Variants in PPP6R1 observed in about 807,000 individuals in gnomAD.
The protein encoded by PPP6R1 is serine/threonine-protein phosphatase 6 regulatory subunit 1.
Under a neutral mutation model 104.6 loss-of-function variants are expected in PPP6R1, and 39 were observed. The observed-to-expected ratio is 0.37, with a 90% CI of 0.29 to 0.49. PPP6R1 has a LOEUF of 0.49. Among genes scored for constraint, PPP6R1 ranks in the 20% least tolerant of loss-of-function variants. PPP6R1 has a pLI of 0.98. For missense variants in PPP6R1, 1,181 were observed against 1,155.8 expected, an observed-to-expected ratio of 1.02 and a Z score of -0.32; for synonymous variants, 549 against 479.0, an observed-to-expected ratio of 1.15 and a Z score of -1.91.
At chr19:55,231,080 C>G in intron 21 of PPP6R1, 196 bp from the exon 22 acceptor site, 1 of 619,698 alleles carries the variant, frequency 1.6e-6, no homozygotes. Flanking sequence ...AAGCACCCCT[C>G]TTCCCGCCTC....
chr19:55,258,066 A>G (rs1189934335), intron 1 of PPP6R1, among the ~76,000 whole-genome samples: 1 of 152,196 alleles, frequency 6.6e-6, no homozygotes, highest in Non-Finnish European at 1.5e-5. Flanking sequence ...GTAAGCAGGC[A>G]AAGTCCAGGG....
intron 17 of PPP6R1, among the ~76,000 whole-genome samples, chr19:55,234,408 A>C (rs1267009533): frequency 1.3e-5 from 2 of 152,246 alleles, no homozygotes; most frequent in Non-Finnish European, 2.9e-5. Context: ...AAGATGATTC[A>C]GTGGAGAAAG....
chr19:55,231,061 C>G (rs746074284), intron 21 of PPP6R1, 177 bp from the exon 22 acceptor site: 45 of 633,238 alleles, frequency 7.1e-5, no homozygotes, highest in Non-Finnish European at 1.2e-4. Flanking sequence ...CAGCCCTGGA[C>G]AGGAAGACAA....
At chr19:55,237,059 A>G in intron 15 of PPP6R1, 89 bp from the exon 16 acceptor site, 2 of 1,351,358 alleles carry the variant, frequency 1.5e-6, no homozygotes, top group Non-Finnish European at 2.1e-6. Flanking sequence ...CACTCAACAC[A>G]GAGCTGACCC....
At chr19:55,238,029 CCCTT>C (rs1417982821) in intron 15 of PPP6R1, among the ~76,000 whole-genome samples, 10 of 152,096 alleles carry the variant, frequency 6.6e-5, no homozygotes, top group Admixed American at 6.5e-4. Context: ...ACCAGTCAGT[CCCTT>C]CATTCTCCTG....
At chr19:55,228,540 G>GT (rs1568940750), downstream of PPP6R1, 3 of 1,545,110 alleles carry the variant, frequency 1.9e-6, no homozygotes, top group African/African-American at 4.1e-5. Flanking sequence ...GACCCCAGCT[G>GT]TACAGGCTGG....
chr19:55,237,063 C>A, intron 15 of PPP6R1, 93 bp from the exon 16 acceptor site: 1 of 1,334,340 alleles, frequency 7.5e-7, no homozygotes, highest in Non-Finnish European at 1.1e-6. Context: ...CAACACAGAG[C>A]TGACCCTCAT....
intron 10 of PPP6R1, among the ~76,000 whole-genome samples, chr19:55,240,514 T>TAC (rs777717878): frequency 0.17 from 23,324 of 135,820 alleles, 1,968 homozygotes; most frequent in Admixed American, 0.23. Flanking sequence ...ATGTGGTGCA[T>TAC]ACACACACAC....
intron 1 of PPP6R1, among the ~76,000 whole-genome samples, chr19:55,248,021 G>A (rs1214440949): frequency 6.6e-6 from 1 of 152,150 alleles, no homozygotes; most frequent in Admixed American, 6.5e-5. Context: ...CTAAACGCTC[G>A]TGCATGGGAA....
intron 1 of PPP6R1, among the ~76,000 whole-genome samples, chr19:55,251,894 G>T (rs73068668): frequency 3.3e-5 from 5 of 151,962 alleles, no homozygotes; most frequent in Admixed American, 6.6e-5. Context: ...GCCAATTTCC[G>T]GCCTAAGGCT....
At chr19:55,244,677 C>A (rs2087490622) in intron 5 of PPP6R1, among the ~76,000 whole-genome samples, 1 of 152,184 alleles carries the variant, frequency 6.6e-6, no homozygotes, top group South Asian at 2.1e-4. Context: ...AGTCAAGTTT[C>A]TTTCCTTTTC....
rs766393249 is a variant in PPP6R1 at position 55,240,028 on chromosome 19, T to C, written c.1448A>G (p.Asn483Ser). Residue 483 changes from asparagine to serine, a missense_variant, in exon 12 of 24, where the codon AAT (asparagine) becomes AGT (serine). By Grantham distance (46) the Asn-to-Ser change is conservative. Coordinates refer to ENST00000412770, the MANE Select transcript of PPP6R1 (RefSeq NM_014931.4). Reference protein sequence around the residue: ...ALVQNTEKGPNAEQLRQLLKE... With the variant: ...ALVQNTEKGPSAEQLRQLLKE... ...CAGCAGCTGCCGCAGCTGCTCTGCA[T>C]TGGGCCCCTTCTCCGTGTTCTGCAC... 1.1e-5 allele frequency: 18 copies of C among 1,604,102 alleles called. No homozygotes were observed. The highest frequency in any genetic ancestry group is 4.5e-5 in the East Asian group (2 of 44,368).
rs1220418757 is a variant in PPP6R1, at chr19:55,241,385, G to T, written c.1015C>A (p.Pro339Thr). Reference protein sequence around the residue: ...QLLLEPPKLEPLQMTWGMLAP... With the variant: ...QLLLEPPKLETLQMTWGMLAP... ...AGCATGCCCCATGTCATCTGTAGCGGCTCCAGCTGCAGACACAGGGAGGCC... is the reference window on the plus strand; with the variant it reads ...AGCATGCCCCATGTCATCTGTAGCGTCTCCAGCTGCAGACACAGGGAGGCC... Residue 339 changes from proline to threonine, a missense_variant, in exon 9 of 24, where the codon CCG (proline) becomes ACG (threonine). Pro to Thr is a conservative substitution (Grantham distance 38, BLOSUM62 -1). Coordinates refer to ENST00000412770, the MANE Select transcript of PPP6R1 (RefSeq NM_014931.4). This position sits in a 1 kb window ranked among gnomAD's most constrained non-coding sequence, Gnocchi z 5.4. 4 of 1,607,488 alleles carry T rather than the reference G, an allele frequency of 2.5e-6. No individual in the cohort carries two copies. The highest frequency in any genetic ancestry group is 1.7e-5 in the Admixed American group (1 of 59,488).
In PPP6R1 at chr19:55,258,441, G is replaced by C. The variant is rs1281131995; in HGVS notation, c.-13C>G. The C allele has an allele frequency of 6.6e-6, 1 of 151,022 alleles. No homozygotes were observed. The highest frequency in any genetic ancestry group is 1.5e-5 in the Non-Finnish European group (1 of 67,494). 9.4% of individuals were successfully genotyped at this position (151,022 alleles called of 1,614,324 possible). On this transcript the variant is annotated 5_prime_UTR_variant, in exon 1 of 24. Coordinates refer to ENST00000412770, the MANE Select transcript of PPP6R1 (RefSeq NM_014931.4). ...GGCGACGCGGGCCGCTCACCTGCGAGGGGGGGCGGCGGCTCCTCGCACTCG... is the reference window on the plus strand; with the variant it reads ...GGCGACGCGGGCCGCTCACCTGCGACGGGGGGCGGCGGCTCCTCGCACTCG...
rs543138723 is a variant in PPP6R1 at position 55,248,904 on chromosome 19, A to G, written c.-6-1795T>C. On this transcript the variant is annotated intron_variant, in intron 1 of 23. Transcript: ENST00000412770. ...GAAGCCAGGCCAGCCTGGGGCCAGG[A>G]TCTCCTTGCTCATCCACCCTGACCA... Among the ~76,000 whole-genome samples the G allele has an allele frequency of 6.6e-5, 10 of 152,268 alleles. 1 individual carries two copies. The South Asian group carries it at 1.9e-3, about 28-fold the overall frequency.
chr19:55,253,516 G>A (rs1391200642), intron 1 of PPP6R1, among the ~76,000 whole-genome samples: 1 of 152,196 alleles, frequency 6.6e-6, no homozygotes, highest in Non-Finnish European at 1.5e-5. Context: ...ACGGGAGGGT[G>A]CTCGCTGGTG....
chr19:55,238,487 C>T (rs2087419264), intron 15 of PPP6R1, among the ~76,000 whole-genome samples: 2 of 152,100 alleles, frequency 1.3e-5, no homozygotes, highest in Non-Finnish European at 2.9e-5. Context: ...GTCTCCCTGG[C>T]CGTAAATGAG....
rs1393765187 is a variant in PPP6R1, at chr19:55,232,214, G to A, written c.1989-3C>T. 1 of 1,540,726 alleles carries A rather than the reference G, an allele frequency of 6.5e-7. No homozygotes were observed. Among genetic ancestry groups the A allele is most frequent in the Non-Finnish European group, 8.8e-7 (1 of 1,140,550 alleles). On this transcript the variant is annotated splice_region_variant and splice_polypyrimidine_tract_variant and intron_variant, in intron 17 of 23. Coordinates refer to ENST00000412770, the MANE Select transcript of PPP6R1 (RefSeq NM_014931.4). ...CACTGTCTGTGCTGCCTCCACTCCT[G>A]CCCCAGAAACCACCTCGTCAGCTAG...
intron 17 of PPP6R1, among the ~76,000 whole-genome samples, chr19:55,234,320 C>T (rs1229661263): frequency 1.3e-5 from 2 of 152,190 alleles, no homozygotes; most frequent in Admixed American, 6.5e-5. Context: ...AAACAACACA[C>T]AGACTGATAG....
Sources: gnomAD v4.1 joint callset for allele counts (sites outside exome capture counted in the v4.1 genomes callset) on GRCh38, gnomAD v4.1.1 for gene constraint, Gnocchi (gnomAD v3.1) non-coding constraint, MANE v1.5 for transcripts, NCBI Gene and HGNC (gene_info 2026-07-23, HGNC 2026-07-21) for gene names.